SLC16A10: variants seen among roughly 807,000 people sequenced by gnomAD.
SLC16A10 encodes monocarboxylate transporter 10.
In SLC16A10, 27 loss-of-function variants were observed where a neutral mutation model predicts 40.0. The observed-to-expected ratio is 0.67, with a 90% CI of 0.50 to 0.93. The LOEUF (loss-of-function observed/expected upper bound fraction) is 0.93, where lower values mean the gene tolerates loss of function less well. Among genes scored for constraint, SLC16A10 ranks in the 40% least tolerant of loss-of-function variants. The pLI, the probability that SLC16A10 is intolerant of heterozygous loss-of-function variation, is 0.00. For synonymous variants in SLC16A10, 213 were observed against 249.8 expected (o/e 0.85, Z 1.39); for missense variants, 529 against 658.2 (o/e 0.80, Z 2.15).
At position 111,231,180 on chromosome 6, in the gene SLC16A10, T is replaced by G. The variant is rs2114605203; in HGVS notation, c.*8945T>G. 6.6e-6 allele frequency: 1 copy of G among 152,036 alleles called. No homozygotes were observed. The highest frequency in any genetic ancestry group is 2.1e-4 in the South Asian group (1 of 4,786). The allele number at this position is 152,036 out of a possible 1,614,324, so 9.4% of individuals were successfully genotyped here. A position where few individuals can be genotyped will look rare whatever the true frequency, so the allele number is the denominator to read the frequency against. ...TACTCTTAGTAAATGCAATAAAAAC[T>G]TTTTAGCAAATTCCTATAAGGCTTT... On this transcript the variant is annotated 3_prime_UTR_variant, in exon 6 of 6. Coordinates refer to ENST00000368851, the MANE Select transcript of SLC16A10 (RefSeq NM_018593.5).
intron 3 of SLC16A10, among the ~76,000 whole-genome samples, chr6:111,182,310 C>CTTTTTTT (rs372963281): frequency 7.2e-4 from 75 of 103,602 alleles, no homozygotes; most frequent in East Asian, 9.2e-4. Context: ...CTCTGGGTTT[C>CTTTTTTT]TTTTTTTTTT....
At chr6:111,101,999 A>G (rs1583303353) in intron 1 of SLC16A10, among the ~76,000 whole-genome samples, 1 of 152,128 alleles carries the variant, frequency 6.6e-6, no homozygotes. Context: ...ATTTTTCTGT[A>G]TCTCATAAGG....
chr6:111,218,742 C>T (rs1271181880), intron 4 of SLC16A10, 72 bp from the exon 5 acceptor site: 4 of 1,288,790 alleles, frequency 3.1e-6, no homozygotes, highest in Non-Finnish European at 4.5e-6. Flanking sequence ...CTTAGAAGTC[C>T]TAAGCATGTT....
intron 1 of SLC16A10, among the ~76,000 whole-genome samples, chr6:111,118,988 G>A (rs545155181): frequency 2.0e-4 from 31 of 152,314 alleles, no homozygotes; most frequent in African/African-American, 7.5e-4. Flanking sequence ...GAAGAAGGCA[G>A]GGATGGGACT....
intron 3 of SLC16A10, chr6:111,193,262 C>T (rs990464127): frequency 7.0e-5 from 69 of 985,224 alleles, no homozygotes; most frequent in Non-Finnish European, 8.2e-5. Flanking sequence ...TTTTTTCTAG[C>T]TTTTCTAACC....
intron 1 of SLC16A10, among the ~76,000 whole-genome samples, chr6:111,122,716 G>A (rs995074374): frequency 1.3e-5 from 2 of 152,098 alleles, no homozygotes; most frequent in East Asian, 1.9e-4. Flanking sequence ...GTGTCAAACC[G>A]CATTATTGAG....
intron 1 of SLC16A10, among the ~76,000 whole-genome samples, chr6:111,133,241 G>C (rs1194118971): frequency 6.6e-6 from 1 of 152,158 alleles, no homozygotes; most frequent in Admixed American, 6.5e-5. Context: ...CAACTAATCT[G>C]ATAAGCAGAG....
At chr6:111,189,255 AG>A (rs1387736185) in intron 3 of SLC16A10, among the ~76,000 whole-genome samples, 1 of 152,232 alleles carries the variant, frequency 6.6e-6, no homozygotes, top group Non-Finnish European at 1.5e-5. Flanking sequence ...TTGGCCAGTC[AG>A]GGACAACCTC....
At chr6:111,182,997 C>T (rs974342158) in intron 3 of SLC16A10, among the ~76,000 whole-genome samples, 1 of 152,184 alleles carries the variant, frequency 6.6e-6, no homozygotes, top group African/African-American at 2.4e-5. Context: ...TCCTTCTCTG[C>T]CCCGCGGAGT....
Position 111,230,562 on chromosome 6 carries a change from A to G in SLC16A10, c.*8327A>G, listed in dbSNP as rs1455528149. On this transcript the variant is annotated 3_prime_UTR_variant, in exon 6 of 6. Coordinates refer to ENST00000368851, the MANE Select transcript of SLC16A10 (RefSeq NM_018593.5). ...CACTCTAATAATAACTTCTGATGTAACTTAATGTGGTTTGAGATGTGTAAG... is the reference window on the plus strand; with the variant it reads ...CACTCTAATAATAACTTCTGATGTAGCTTAATGTGGTTTGAGATGTGTAAG... 1 of 152,194 alleles carries G rather than the reference A, an allele frequency of 6.6e-6. No individual in the cohort carries two copies. Among genetic ancestry groups the G allele is most frequent in the African/African-American group, 2.4e-5 (1 of 41,460 alleles). 9.4% of individuals were successfully genotyped at this position (152,194 alleles called of 1,614,324 possible). A position where few individuals can be genotyped will look rare whatever the true frequency, so the allele number is the denominator to read the frequency against.
chr6:111,140,343 G>A (rs1018112493), intron 1 of SLC16A10, among the ~76,000 whole-genome samples: 8 of 151,994 alleles, frequency 5.3e-5, no homozygotes, highest in Non-Finnish European at 7.4e-5. Context: ...TGCACCTGTA[G>A]TCCCAGCCCC....
At chr6:111,216,532 A>T (rs111718131) in intron 4 of SLC16A10, among the ~76,000 whole-genome samples, 1,783 of 150,348 alleles carry the variant, frequency 0.012, 26 homozygotes, top group African/African-American at 0.042. Context: ...GCCTCCGAGT[A>T]ACTGGGACTA....
chr6:111,112,555 T>C (rs1562400752), intron 1 of SLC16A10, among the ~76,000 whole-genome samples: 5 of 152,248 alleles, frequency 3.3e-5, no homozygotes, highest in African/African-American at 1.2e-4. Context: ...TCAGTGATGT[T>C]TCTGAACAAA....
intron 1 of SLC16A10, among the ~76,000 whole-genome samples, chr6:111,136,809 G>C (rs1032773470): frequency 6.6e-6 from 1 of 152,226 alleles, no homozygotes; most frequent in Non-Finnish European, 1.5e-5. Context: ...CCAGGAACTA[G>C]TGCTCAGCTG....
At chr6:111,207,810 A>T (rs1773279831) in intron 4 of SLC16A10, among the ~76,000 whole-genome samples, 1 of 152,140 alleles carries the variant, frequency 6.6e-6, no homozygotes, top group Non-Finnish European at 1.5e-5. Flanking sequence ...CAAATGTTTG[A>T]ATGGAATAAA....
chr6:111,088,399 CT>C (rs1294260005), intron 1 of SLC16A10, among the ~76,000 whole-genome samples: 1 of 152,238 alleles, frequency 6.6e-6, no homozygotes, highest in Non-Finnish European at 1.5e-5. Context: ...CACAGGAGCC[CT>C]TCCTTTTATT....
chr6:111,111,054 C>T lies in SLC16A10; in HGVS notation c.343+22959C>T, dbSNP rs963295048. On this transcript the variant is annotated intron_variant, in intron 1 of 5. Transcript: ENST00000368851. ...TTGGTCAACTTACTGTAAATTACTG[C>T]CAGTTCTGTACAGCCATTTGTTTAA... 7.2e-5 allele frequency among the ~76,000 whole-genome samples: 11 copies of T among 152,164 alleles called. 1 individual carries two copies. The highest frequency in any genetic ancestry group is 2.1e-4 in the South Asian group (1 of 4,822).
At chr6:111,115,883 T>C (rs1771477873) in intron 1 of SLC16A10, among the ~76,000 whole-genome samples, 1 of 152,164 alleles carries the variant, frequency 6.6e-6, no homozygotes, top group South Asian at 2.1e-4. Context: ...AGTGTTTGCT[T>C]ATTCCTCAGG....
chr6:111,205,673 C>T (rs1773242267), intron 3 of SLC16A10, among the ~76,000 whole-genome samples: 1 of 152,168 alleles, frequency 6.6e-6, no homozygotes, highest in Admixed American at 6.5e-5. Flanking sequence ...TTATCCAAAG[C>T]CACAAGGCTG....
Sources: allele counts gnomAD v4.1 joint callset (sites outside exome capture counted in the v4.1 genomes callset), GRCh38; gene constraint gnomAD v4.1.1; transcripts MANE v1.5; gene names NCBI Gene and HGNC (gene_info 2026-07-23, HGNC 2026-07-21).